PPP6C: variants seen among roughly 807,000 people sequenced by gnomAD.
The protein encoded by PPP6C is serine/threonine-protein phosphatase 6 catalytic subunit.
A neutral mutation model predicts 39.8 loss-of-function variants in PPP6C; 11 were observed. That is an observed-to-expected ratio of 0.28 (90% CI 0.17 to 0.46). The LOEUF (loss-of-function observed/expected upper bound fraction) is 0.46, where lower values mean the gene tolerates loss of function less well. Among genes scored for constraint, PPP6C ranks in the 20% least tolerant of loss-of-function variants. PPP6C has a pLI of 1.00. For missense variants in PPP6C, 211 were observed against 373.9 expected (o/e 0.56, Z 3.59); for synonymous variants, 129 against 130.3 (o/e 0.99, Z 0.07).
At chr9:125,154,506 G>T (rs1191445271) in intron 4 of PPP6C, among the ~76,000 whole-genome samples, 15 of 152,336 alleles carry the variant, frequency 9.8e-5, no homozygotes, top group Middle Eastern at 6.8e-3. Flanking sequence ...ATTTCCTAAG[G>T]ATGTAGTACT....
intron 1 of PPP6C, among the ~76,000 whole-genome samples, chr9:125,175,537 G>A (rs1454934476): frequency 1.3e-5 from 2 of 151,646 alleles, no homozygotes; most frequent in Non-Finnish European, 2.9e-5. Context: ...CAGCTACTAG[G>A]GAGGCTGAGG....
chr9:125,173,272 G>A (rs142495398), intron 1 of PPP6C, among the ~76,000 whole-genome samples: 3,523 of 151,910 alleles, frequency 0.023, 143 homozygotes, highest in African/African-American at 0.081. Context: ...TTAGCTGGGC[G>A]TGGTGGCAGG....
chr9:125,156,744 GCTCTCTCTCTCTCT>G (rs61252351), intron 4 of PPP6C, among the ~76,000 whole-genome samples: 8 of 141,442 alleles, frequency 5.7e-5, no homozygotes, highest in South Asian at 2.3e-4. Context: ...TAATAAGCTC[GCTCTCTCTCTCTCT>G]CTCTCTCTCT....
rs562874404 is a variant in PPP6C at position 125,148,172 on chromosome 9, T to C, written c.*1501A>G. 2.3e-5 allele frequency: 4 copies of C among 176,112 alleles called. No individual in the cohort carries two copies. The South Asian group carries it at 4.5e-4, about 20-fold the overall frequency. 10.9% of individuals were successfully genotyped at this position (176,112 alleles called of 1,614,324 possible). A position where few individuals can be genotyped will look rare whatever the true frequency, so the allele number is the denominator to read the frequency against. On this transcript the variant is annotated 3_prime_UTR_variant, in exon 7 of 7. Coordinates refer to ENST00000373547, the MANE Select transcript of PPP6C (RefSeq NM_002721.5). ...GAAGCTTAGACTATAAAGATTTTTATTGCATTTTTAGGTAACCTGGAAGTT... is the reference window on the plus strand; with the variant it reads ...GAAGCTTAGACTATAAAGATTTTTACTGCATTTTTAGGTAACCTGGAAGTT...
At chr9:125,171,474 C>CAT (rs1217320883) in intron 1 of PPP6C, among the ~76,000 whole-genome samples, 43 of 30,814 alleles carry the variant, frequency 1.4e-3, no homozygotes, top group African/African-American at 1.8e-3. Context: ...CACACACACA[C>CAT]ACACATATAT....
At chr9:125,170,406 T>C (rs1294833924) in intron 2 of PPP6C, among the ~76,000 whole-genome samples, 1 of 151,906 alleles carries the variant, frequency 6.6e-6, no homozygotes, top group Non-Finnish European at 1.5e-5. Flanking sequence ...CCAGCTAATT[T>C]TTTTGTATTT....
At position 125,153,707 on chromosome 9, in the gene PPP6C, A is replaced by G; in HGVS notation, c.495T>C (p.Gly165=). The stretch of plus-strand genomic sequence containing the variant: ...CCAGTGTTTTGATATCAGGAGATAA[A>G]CCACCATGGACACACAAAATCTGCT... ...IDEQILCVHG[G]LSPDIKTLDQ... The change falls in exon 6 of 7, where the codon GGT becomes GGC. Residue 165 remains glycine (G), a synonymous_variant. Transcript: ENST00000373547. 2.5e-6 allele frequency: 4 copies of G among 1,614,052 alleles called. No individual in the cohort carries two copies. The highest frequency in any genetic ancestry group is 3.4e-6 in the Non-Finnish European group (4 of 1,180,030).
In PPP6C at chr9:125,162,071, A is replaced by G. The variant is rs866321755; in HGVS notation, c.172-1165T>C. Among the ~76,000 whole-genome samples the G allele has an allele frequency of 1.3e-5, 2 of 151,862 alleles. 1 individual carries two copies. Among genetic ancestry groups the G allele is most frequent in the South Asian group, 4.2e-4 (2 of 4,790 alleles). On this transcript the variant is annotated intron_variant, in intron 2 of 6. Transcript: ENST00000373547. ...GTAACACCTTTTATAACAATGTTCC[A>G]TAAGTCTAAAAAGTCAGACAAAAAA...
intron 6 of PPP6C, 79 bp downstream of exon 6, chr9:125,153,454 T>C: frequency 1.5e-6 from 2 of 1,347,162 alleles, no homozygotes; most frequent in Non-Finnish European, 2.1e-6. Flanking sequence ...ACTACAAGTT[T>C]GTTATCTAGG....
At chr9:125,171,491 A>G (rs1588288292) in intron 1 of PPP6C, among the ~76,000 whole-genome samples, 2 of 88,636 alleles carry the variant, frequency 2.3e-5, no homozygotes, top group African/African-American at 1.1e-4. Flanking sequence ...ATATATATAT[A>G]TATATATATA....
rs556294784 is a variant in PPP6C at position 125,148,951 on chromosome 9, G to C, written c.*722C>G. On this transcript the variant is annotated 3_prime_UTR_variant, in exon 7 of 7. Coordinates refer to ENST00000373547, the MANE Select transcript of PPP6C (RefSeq NM_002721.5). Reference sequence around the variant, plus strand: ...AGGAAAAAAGAAAAGATAACTTTACGCTAACAATGTAAGCTGTTTAAAATT... The same window carrying C: ...AGGAAAAAAGAAAAGATAACTTTACCCTAACAATGTAAGCTGTTTAAAATT... The C allele has an allele frequency of 6.6e-6, 1 of 152,032 alleles. No homozygotes were observed. The highest frequency in any genetic ancestry group is 2.4e-5 in the African/African-American group (1 of 41,400). 9.4% of individuals were successfully genotyped at this position (152,032 alleles called of 1,614,324 possible). A position where few individuals can be genotyped will look rare whatever the true frequency, so the allele number is the denominator to read the frequency against.
chr9:125,150,055 C>A, intron 6 of PPP6C, 134 bp from the exon 7 acceptor site: 1 of 1,202,050 alleles, frequency 8.3e-7, no homozygotes, highest in South Asian at 1.7e-5. Flanking sequence ...TAATTATCTC[C>A]AACAATTTAA....
intron 4 of PPP6C, among the ~76,000 whole-genome samples, chr9:125,154,869 A>G (rs1836030158): frequency 6.6e-6 from 1 of 152,156 alleles, no homozygotes; most frequent in South Asian, 2.1e-4. Context: ...ACAAATTCTC[A>G]GTTGAACACT....
At chr9:125,177,022 G>C (rs1829313792) in intron 1 of PPP6C, among the ~76,000 whole-genome samples, 1 of 152,152 alleles carries the variant, frequency 6.6e-6, no homozygotes, top group African/African-American at 2.4e-5. Context: ...TTTTACCCCT[G>C]TAAATAGACT....
chr9:125,163,499 C>A (rs532412713), intron 2 of PPP6C, among the ~76,000 whole-genome samples: 6 of 152,152 alleles, frequency 3.9e-5, no homozygotes, highest in Admixed American at 2.0e-4. Context: ...GGTGCGATCT[C>A]GGCTCACTGC....
At position 125,149,385 on chromosome 9, in the gene PPP6C, A is replaced by G. The variant is rs1835883755; in HGVS notation, c.*288T>C. 3.6e-6 allele frequency: 1 copy of G among 281,270 alleles called. No individual in the cohort carries two copies. Among genetic ancestry groups the G allele is most frequent in the African/African-American group, 2.2e-5 (1 of 45,930 alleles). 17.4% of individuals were successfully genotyped at this position (281,270 alleles called of 1,614,324 possible). The stretch of plus-strand genomic sequence containing the variant: ...GGAAACACATCCTGTTTCCCAGACC[A>G]GTAAATAAGCAAGAGCTACATGCAG... On this transcript the variant is annotated 3_prime_UTR_variant, in exon 7 of 7. Transcript: ENST00000373547.
intron 3 of PPP6C, among the ~76,000 whole-genome samples, chr9:125,160,459 T>C (rs1316297351): frequency 6.6e-6 from 1 of 152,204 alleles, no homozygotes; most frequent in Non-Finnish European, 1.5e-5. Context: ...AATTGAATCA[T>C]GGGGGCAAGT....
intron 3 of PPP6C, 41 bp downstream of exon 3, chr9:125,160,799 TC>T: frequency 7.3e-7 from 1 of 1,361,624 alleles, no homozygotes; most frequent in Non-Finnish European, 1.0e-6. Context: ...TCAGATCCTT[TC>T]CATTTTAAAC....
intron 6 of PPP6C, among the ~76,000 whole-genome samples, chr9:125,152,881 G>A (rs544481235): frequency 6.6e-6 from 1 of 150,720 alleles, no homozygotes; most frequent in African/African-American, 2.4e-5. Flanking sequence ...AACTAATAAA[G>A]TGTCTGTATC....
Sources: allele counts gnomAD v4.1 joint callset (sites outside exome capture counted in the v4.1 genomes callset), GRCh38; gene constraint gnomAD v4.1.1; transcripts MANE v1.5; gene names NCBI Gene and HGNC (gene_info 2026-07-23, HGNC 2026-07-21).